XPNPEP3: variants seen among roughly 807,000 people sequenced by gnomAD.
XPNPEP3 encodes the protein X-prolyl aminopeptidase 3.
Under a neutral mutation model 60.0 loss-of-function variants are expected in XPNPEP3, and 41 were observed. The observed-to-expected ratio is 0.68, with a 90% CI of 0.53 to 0.89. The LOEUF (loss-of-function observed/expected upper bound fraction) is 0.89. XPNPEP3 is among the 40% of genes least tolerant of loss of function. The pLI is 0.00. For missense variants in XPNPEP3, 598 were observed against 638.9 expected (o/e 0.94, Z 0.69); for synonymous variants, 212 against 223.2 (o/e 0.95, Z 0.45).
chr22:40,878,378 AT>A (rs2058035368), intron 2 of XPNPEP3, among the ~76,000 whole-genome samples: 1 of 152,080 alleles, frequency 6.6e-6, no homozygotes, highest in African/African-American at 2.4e-5. Flanking sequence ...ATGAAATTGG[AT>A]TCAGCAAACA....
At chr22:40,922,723 C>G (rs571497297) in intron 8 of XPNPEP3, among the ~76,000 whole-genome samples, 3 of 135,224 alleles carry the variant, frequency 2.2e-5, no homozygotes, top group African/African-American at 1.1e-4. Flanking sequence ...TAGATATATA[C>G]ACACACACAC....
At position 40,857,492 on chromosome 22, in the gene XPNPEP3, G is replaced by C. The variant is rs192861981; in HGVS notation, c.64+247G>C. Among the ~76,000 whole-genome samples, 239 of 152,382 alleles carry C rather than the reference G, an allele frequency of 1.6e-3. 1 individual carries two copies. The highest frequency in any genetic ancestry group is 2.4e-3 in the Non-Finnish European group (162 of 68,036). On this transcript the variant is annotated intron_variant, in intron 1 of 9. Coordinates refer to ENST00000357137, the MANE Select transcript of XPNPEP3 (RefSeq NM_022098.4). ...AGAGAAAAGTGTGCCATCCCCCAGA[G>C]GGGCTGTCTTCCAAGTTACTCGGAC...
In XPNPEP3 at chr22:40,886,512, A is replaced by G. The variant is rs762603874; in HGVS notation, c.789A>G (p.Ser263=). The G allele has an allele frequency of 6.2e-7, 1 of 1,613,798 alleles. No homozygotes were observed. Among genetic ancestry groups the G allele is most frequent in the Non-Finnish European group, 8.5e-7 (1 of 1,179,966 alleles). ...ERMQIAGKLT[S]QAFIETMFTS... The stretch of plus-strand genomic sequence containing the variant: ...TGCAGATTGCTGGGAAGCTGACATC[A>G]CAGGTATGATTCCTATTGAAAAGTT... The change falls in exon 4 of 10, where the codon TCA becomes TCG. Residue 263 remains serine, a synonymous_variant. Transcript: ENST00000357137.
intron 7 of XPNPEP3, 33 bp from the exon 8 acceptor site, chr22:40,922,300 T>C: frequency 6.2e-7 from 1 of 1,613,064 alleles, no homozygotes; most frequent in South Asian, 1.1e-5. Flanking sequence ...TCAGATTATC[T>C]AAGTTCAGGT....
intron 2 of XPNPEP3, among the ~76,000 whole-genome samples, chr22:40,874,949 C>G (rs1004859804): frequency 6.6e-6 from 1 of 152,186 alleles, no homozygotes; most frequent in East Asian, 1.9e-4. Context: ...TTATCATCAT[C>G]ACCACCATCA....
At chr22:40,859,529 C>T (rs2145762857) in intron 1 of XPNPEP3, 1 of 152,008 alleles carries the variant, frequency 6.6e-6, no homozygotes, top group African/African-American at 2.4e-5. Flanking sequence ...TACTAAATAT[C>T]ACATCTTATA....
At chr22:40,911,470 T>A (rs991130135) in intron 6 of XPNPEP3, among the ~76,000 whole-genome samples, 3 of 151,880 alleles carry the variant, frequency 2.0e-5, no homozygotes, top group African/African-American at 7.3e-5. Context: ...TTGGGCCTGA[T>A]ATTTTCCTTC....
At chr22:40,913,811 A>G (rs1203205836) in intron 6 of XPNPEP3, among the ~76,000 whole-genome samples, 1 of 151,998 alleles carries the variant, frequency 6.6e-6, no homozygotes, top group African/African-American at 2.4e-5. Flanking sequence ...AGATAAATAG[A>G]AGAAACCAGC....
At chr22:40,860,677 G>A (rs1436983769) in intron 1 of XPNPEP3, 17 of 1,219,508 alleles carry the variant, frequency 1.4e-5, no homozygotes, top group Non-Finnish European at 1.9e-5. Context: ...TTTTAAGACA[G>A]GGTCTTACTT....
chr22:40,868,298 T>C (rs985050891), intron 1 of XPNPEP3, among the ~76,000 whole-genome samples: 2 of 152,190 alleles, frequency 1.3e-5, no homozygotes, highest in African/African-American at 2.4e-5. Flanking sequence ...TCCTGAGTTT[T>C]AGGACACAGC....
intron 1 of XPNPEP3, 98 bp downstream of exon 1, chr22:40,857,343 G>T: frequency 1.5e-6 from 2 of 1,355,608 alleles, no homozygotes; most frequent in Non-Finnish European, 2.1e-6. Context: ...TTCTCCTGGT[G>T]GGGCCTCCGC....
At chr22:40,874,236 G>A (rs916646071) in intron 2 of XPNPEP3, among the ~76,000 whole-genome samples, 35 of 152,144 alleles carry the variant, frequency 2.3e-4, no homozygotes, top group African/African-American at 5.8e-4. Context: ...TCTAGCCTGG[G>A]TGACAGAGTG....
intron 7 of XPNPEP3, among the ~76,000 whole-genome samples, chr22:40,919,797 T>G (rs1212102994): frequency 6.6e-6 from 1 of 152,160 alleles, no homozygotes; most frequent in Non-Finnish European, 1.5e-5. Context: ...ATATGCAAAT[T>G]GTGGTCTGTT....
chr22:40,903,724 G>A (rs531748647), intron 4 of XPNPEP3, among the ~76,000 whole-genome samples: 97 of 152,018 alleles, frequency 6.4e-4, no homozygotes, highest in African/African-American at 2.2e-3. Context: ...TCCTCACCTC[G>A]TTATCTACCT....
intron 8 of XPNPEP3, 137 bp from the exon 9 acceptor site, chr22:40,924,225 T>A (rs1211457925): frequency 2.4e-6 from 3 of 1,238,010 alleles, no homozygotes; most frequent in African/African-American, 1.5e-5. Context: ...CTTTAAGTAT[T>A]AGCCCAAGGA....
At chr22:40,886,862 T>C (rs940132327) in intron 4 of XPNPEP3, among the ~76,000 whole-genome samples, 7 of 150,880 alleles carry the variant, frequency 4.6e-5, no homozygotes, top group Non-Finnish European at 8.9e-5. Context: ...AAAGAAAAAG[T>C]TTTTTCCAGA....
At chr22:40,923,668 A>G (rs948639348) in intron 8 of XPNPEP3, among the ~76,000 whole-genome samples, 1 of 152,114 alleles carries the variant, frequency 6.6e-6, no homozygotes, top group Non-Finnish European at 1.5e-5. Flanking sequence ...CCTGGCCAAC[A>G]TGGTAAAACC....
intron 1 of XPNPEP3, among the ~76,000 whole-genome samples, chr22:40,865,058 T>C (rs966427584): frequency 6.6e-6 from 1 of 152,200 alleles, no homozygotes; most frequent in Non-Finnish European, 1.5e-5. Flanking sequence ...TCTGCAGTTA[T>C]ACCCTTCTTT....
At chr22:40,883,525 A>T (rs1473719346) in intron 3 of XPNPEP3, among the ~76,000 whole-genome samples, 1 of 151,322 alleles carries the variant, frequency 6.6e-6, no homozygotes, top group Non-Finnish European at 1.5e-5. Context: ...TGTCTGGCTA[A>T]TTTTTTTTTA....
Sources: allele counts gnomAD v4.1 joint callset (sites outside exome capture counted in the v4.1 genomes callset), GRCh38; gene constraint gnomAD v4.1.1; transcripts MANE v1.5; gene names NCBI Gene and HGNC (gene_info 2026-07-23, HGNC 2026-07-21).